Variants in TDRD9 observed in about 807,000 individuals in gnomAD.
TDRD9 encodes the protein tudor domain containing 9.
A neutral mutation model predicts 172.6 loss-of-function variants in TDRD9; 124 were observed. The ratio of observed to expected loss-of-function variants is 0.72; its 90% CI spans 0.62 to 0.83. The LOEUF is 0.83. Among genes scored for constraint, TDRD9 ranks in the 40% least tolerant of loss-of-function variants. The probability of loss-of-function intolerance (pLI) is 0.00; values close to 1 mark genes in which losing one functional copy is unlikely to be tolerated. For synonymous variants in TDRD9, 619 were observed against 617.1 expected (o/e 1.00, Z -0.05); for missense variants, 1,479 against 1,714.1 (o/e 0.86, Z 2.42).
chr14:103,958,628 T>C (rs1299802665), intron 2 of TDRD9, among the ~76,000 whole-genome samples: 4 of 152,044 alleles, frequency 2.6e-5, no homozygotes, highest in Admixed American at 1.3e-4. Context: ...ACAGAAGTCA[T>C]AGGTTGGAGT....
chr14:104,039,181 G>A (rs989448565), intron 32 of TDRD9, among the ~76,000 whole-genome samples: 8 of 152,158 alleles, frequency 5.3e-5, no homozygotes, highest in Non-Finnish European at 8.8e-5. Flanking sequence ...AGCCCCTTAC[G>A]AAACCATGAG....
intron 28 of TDRD9, among the ~76,000 whole-genome samples, chr14:104,029,459 T>C (rs1341376394): frequency 6.6e-6 from 1 of 152,236 alleles, no homozygotes; most frequent in Non-Finnish European, 1.5e-5. Flanking sequence ...GATTGCTTTC[T>C]TGATATCTTT....
intron 20 of TDRD9, chr14:104,013,866 T>A (rs1369318340): frequency 4.0e-5 from 6 of 151,864 alleles, no homozygotes; most frequent in Admixed American, 6.6e-5. Flanking sequence ...TGTTGATCCG[T>A]GTGGGATTGT....
chr14:104,018,258 G>A (rs925760886), intron 23 of TDRD9, 66 bp downstream of exon 23: 11 of 1,053,248 alleles, frequency 1.0e-5, no homozygotes, highest in Non-Finnish European at 1.5e-5. Context: ...GTTTCCAGAC[G>A]CTGATTGTTA....
intron 1 of TDRD9, among the ~76,000 whole-genome samples, chr14:103,945,798 C>T (rs2031524269): frequency 6.6e-6 from 1 of 151,974 alleles, no homozygotes; most frequent in Non-Finnish European, 1.5e-5. Flanking sequence ...TAAGGAAGTA[C>T]ATAAAAAGAA....
At chr14:103,934,077 G>C (rs1338905276) in intron 1 of TDRD9, among the ~76,000 whole-genome samples, 1 of 151,596 alleles carries the variant, frequency 6.6e-6, no homozygotes, top group East Asian at 1.9e-4. Flanking sequence ...GTGCAGTGCT[G>C]CTGTGCATAG....
intron 7 of TDRD9, among the ~76,000 whole-genome samples, chr14:103,985,279 A>T (rs1392410513): frequency 2.6e-5 from 4 of 152,058 alleles, no homozygotes; most frequent in African/African-American, 9.7e-5. Flanking sequence ...TTGAAATCTC[A>T]CCTGTTATGG....
intron 22 of TDRD9, 128 bp downstream of exon 22, chr14:104,016,216 C>G: frequency 1.2e-5 from 8 of 646,116 alleles, no homozygotes; most frequent in Non-Finnish European, 1.6e-5. Context: ...GCTTGTTTGG[C>G]CTTTTCAGGT....
chr14:103,964,853 T>G (rs2032664903), intron 3 of TDRD9, among the ~76,000 whole-genome samples: 1 of 152,150 alleles, frequency 6.6e-6, no homozygotes. Flanking sequence ...GTAGTAGAGT[T>G]GCATTTAAGT....
intron 1 of TDRD9, among the ~76,000 whole-genome samples, chr14:103,943,835 G>A (rs1374683596): frequency 1.3e-5 from 2 of 152,142 alleles, no homozygotes; most frequent in Non-Finnish European, 2.9e-5. Flanking sequence ...AGACTTGCAT[G>A]TCATGCATGA....
chr14:103,959,741 A>C (rs1252514143), intron 2 of TDRD9, among the ~76,000 whole-genome samples: 1 of 152,222 alleles, frequency 6.6e-6, no homozygotes. Context: ...GTGAATTTCT[A>C]TCGATTACAG....
At chr14:104,037,947 G>A (rs570359074) in intron 32 of TDRD9, among the ~76,000 whole-genome samples, 1 of 152,326 alleles carries the variant, frequency 6.6e-6, no homozygotes, top group East Asian at 1.9e-4. Context: ...ACCTTGTGGA[G>A]CCCGCCTCCC....
intron 28 of TDRD9, among the ~76,000 whole-genome samples, chr14:104,027,517 T>TA (rs2035159062): frequency 6.6e-6 from 1 of 152,216 alleles, no homozygotes; most frequent in African/African-American, 2.4e-5. Flanking sequence ...AAATCAGTGT[T>TA]AGAGTTATTT....
chr14:103,945,849 C>G (rs2031527319), intron 1 of TDRD9, among the ~76,000 whole-genome samples: 1 of 152,072 alleles, frequency 6.6e-6, no homozygotes, highest in Non-Finnish European at 1.5e-5. Flanking sequence ...GAAAAGCAAG[C>G]TAAGGAGCCA....
chr14:103,977,597 A>G (rs936615962), intron 7 of TDRD9, among the ~76,000 whole-genome samples: 3 of 146,756 alleles, frequency 2.0e-5, no homozygotes, highest in African/African-American at 7.5e-5. Flanking sequence ...TAGTTTGCAA[A>G]TGTTTCCCCC....
chr14:103,933,546 T>C (rs986643971), intron 1 of TDRD9, among the ~76,000 whole-genome samples: 2 of 152,098 alleles, frequency 1.3e-5, no homozygotes, highest in African/African-American at 4.8e-5. Flanking sequence ...TATTTTATTT[T>C]ATTTCATTTT....
In TDRD9 at chr14:103,975,467, C is replaced by A. The variant is rs766862372; in HGVS notation, c.925C>A (p.Pro309Thr). 1 of 1,613,684 alleles carries A rather than the reference C, an allele frequency of 6.2e-7. No individual in the cohort carries two copies. The highest frequency in any genetic ancestry group is 1.7e-5 in the Admixed American group (1 of 59,988). ...FAVPVQNKMNPAYIFEVEGKP... is the reference protein window; with the variant it reads ...FAVPVQNKMNTAYIFEVEGKP... Reference sequence around the variant, plus strand: ...TGTTCCTGTTCAAAACAAGATGAATCCTGCATATATTTTTGAAGTGGAAGG... The same window carrying A: ...TGTTCCTGTTCAAAACAAGATGAATACTGCATATATTTTTGAAGTGGAAGG... Residue 309 changes from proline to threonine, a missense_variant, in exon 7 of 36, where the codon CCT (proline) becomes ACT (threonine). Pro to Thr is a conservative substitution (Grantham distance 38). Around this residue, in one of 3 missense-constraint regions of TDRD9, gnomAD observed 1,413 missense variants for 1,649.1 expected, o/e 0.86. Coordinates refer to ENST00000409874, the MANE Select transcript of TDRD9 (RefSeq NM_153046.3).
rs71126086 is a variant in TDRD9, at chr14:103,938,382, A to ATG, written c.215+9690_215+9691dup. ...TCCCCTTCCCACCTGTGCCCCATAT[A>ATG]TGTGTGTGTGTGTGTGTGTGTGTGT... On this transcript the variant is annotated intron_variant, in intron 1 of 35. Transcript: ENST00000409874. Among the ~76,000 whole-genome samples the ATG allele has an allele frequency of 3.4e-3, 132 of 38,586 alleles. 1 individual carries two copies. Among genetic ancestry groups the ATG allele is most frequent in the African/African-American group, 0.011 (127 of 11,796 alleles). 25.3% of individuals were successfully genotyped at this position (38,586 alleles called of 152,430 possible).
chr14:104,031,069 ATTTTC>A, intron 28 of TDRD9, 34 bp from the exon 29 acceptor site: 2 of 1,534,124 alleles, frequency 1.3e-6, no homozygotes, highest in Non-Finnish European at 1.8e-6. Flanking sequence ...TCCTTGTAAT[ATTTTC>A]TTTTAACAAA....
Sources: gnomAD v4.1 joint callset for allele counts (sites outside exome capture counted in the v4.1 genomes callset) on GRCh38, gnomAD v4.1.1 for gene constraint, gnomAD v4.1.1 regional missense constraint, MANE v1.5 for transcripts, NCBI Gene and HGNC (gene_info 2026-07-23, HGNC 2026-07-21) for gene names.